KCNIP3: variants seen among roughly 807,000 people sequenced by gnomAD.
KCNIP3 encodes the protein potassium voltage-gated channel interacting protein 3, also known as calsenilin.
Under a neutral mutation model 35.0 loss-of-function variants are expected in KCNIP3, and 28 were observed. That is an observed-to-expected ratio of 0.80 (90% CI 0.59 to 1.10). The LOEUF (loss-of-function observed/expected upper bound fraction) is 1.10, where lower values mean the gene tolerates loss of function less well. Ranked by LOEUF, KCNIP3 falls within the 50% of genes least tolerant of loss-of-function variation. The pLI is 0.00. For synonymous variants in KCNIP3, 134 were observed against 133.8 expected (o/e 1.00, Z -0.01); for missense variants, 295 against 338.4 (o/e 0.87, Z 1.01).
intron 2 of KCNIP3, among the ~76,000 whole-genome samples, chr2:95,315,319 G>A (rs1436522594): frequency 3.3e-5 from 5 of 152,148 alleles, no homozygotes; most frequent in Non-Finnish European, 7.4e-5. Flanking sequence ...TTCTTTTATT[G>A]AATCTACGGT....
At chr2:95,320,455 T>C (rs1171737579) in intron 2 of KCNIP3, among the ~76,000 whole-genome samples, 1 of 152,060 alleles carries the variant, frequency 6.6e-6, no homozygotes, top group Non-Finnish European at 1.5e-5. Context: ...CCCGGGTCTC[T>C]ATGCCCTTCC....
At chr2:95,310,810 C>T in intron 2 of KCNIP3, 2 of 454,428 alleles carry the variant, frequency 4.4e-6, no homozygotes, top group Admixed American at 3.7e-5. Context: ...CTGCAGAGTC[C>T]AACAAACCAG....
At chr2:95,360,115 C>T (rs1374322929) in intron 2 of KCNIP3, among the ~76,000 whole-genome samples, 1 of 151,316 alleles carries the variant, frequency 6.6e-6, no homozygotes, top group Non-Finnish European at 1.5e-5. Context: ...ATTTCTTCTG[C>T]TGGGTATCCC....
intron 5 of KCNIP3, among the ~76,000 whole-genome samples, chr2:95,380,987 A>G (rs1680322460): frequency 6.6e-6 from 1 of 152,096 alleles, no homozygotes; most frequent in Admixed American, 6.5e-5. Flanking sequence ...ACAGTCTGAG[A>G]CTCTGTCTCT....
intron 2 of KCNIP3, among the ~76,000 whole-genome samples, chr2:95,325,902 CAT>C (rs1678753619): frequency 6.6e-6 from 1 of 151,240 alleles, no homozygotes; most frequent in Non-Finnish European, 1.5e-5. Flanking sequence ...CATAGACACA[CAT>C]TCACTCATAC....
chr2:95,374,534 T>C, intron 3 of KCNIP3, 114 bp downstream of exon 3: 1 of 1,341,078 alleles, frequency 7.5e-7, no homozygotes, highest in Admixed American at 2.5e-5. Context: ...GCTTATGTGT[T>C]GTGGGAAAGC....
At chr2:95,371,796 T>C (rs932234044) in intron 2 of KCNIP3, among the ~76,000 whole-genome samples, 2 of 151,422 alleles carry the variant, frequency 1.3e-5, no homozygotes, top group African/African-American at 4.8e-5. Flanking sequence ...TCCATTCTTT[T>C]ATTTTAAATC....
At chr2:95,344,548 A>T (rs779947641) in intron 2 of KCNIP3, among the ~76,000 whole-genome samples, 10 of 152,252 alleles carry the variant, frequency 6.6e-5, no homozygotes, top group Non-Finnish European at 1.5e-4. Flanking sequence ...CAGGGTTTAT[A>T]GGCAGTCATC....
In KCNIP3 at chr2:95,382,515, G is replaced by T. The variant is rs751220845; in HGVS notation, c.660+34G>T. The T allele has an allele frequency of 2.7e-6, 4 of 1,497,388 alleles. No individual in the cohort carries two copies. Among genetic ancestry groups the T allele is most frequent in the Non-Finnish European group, 3.6e-6 (4 of 1,098,240 alleles). The allele number at this position is 1,497,388 out of a possible 1,614,324, so 92.8% of individuals were successfully genotyped here. On this transcript the variant is annotated intron_variant, in intron 7 of 8. Transcript: ENST00000295225. The surrounding 1 kb of genome is among the most constrained non-coding windows in gnomAD (Gnocchi z 4.5). ...GCGCCAGCCCTGCCTAGGGAGGGGA[G>T]CCTGGCAGAGGAAGGGGCTCTCGCT...
At chr2:95,349,965 C>G (rs1012314955) in intron 2 of KCNIP3, among the ~76,000 whole-genome samples, 2 of 152,192 alleles carry the variant, frequency 1.3e-5, no homozygotes, top group Non-Finnish European at 1.5e-5. Flanking sequence ...GTGCCTGACA[C>G]TCCATGTTTA....
At chr2:95,357,803 A>AC (rs888128270) in intron 2 of KCNIP3, among the ~76,000 whole-genome samples, 5 of 151,976 alleles carry the variant, frequency 3.3e-5, no homozygotes, top group African/African-American at 1.2e-4. Flanking sequence ...ATCCAGTCAC[A>AC]CCCCAGCCTG....
chr2:95,297,527 C>A, intron 1 of KCNIP3, 74 bp downstream of exon 1: 1 of 1,211,750 alleles, frequency 8.3e-7, no homozygotes, highest in South Asian at 1.4e-5. Flanking sequence ...GGGGGTTGCT[C>A]TGGACCAGGA....
intron 2 of KCNIP3, chr2:95,368,542 A>G: frequency 2.8e-6 from 1 of 361,922 alleles, no homozygotes; most frequent in Admixed American, 3.2e-5. Context: ...AAAAAAATTA[A>G]GTGGGAGTCA....
At chr2:95,362,007 G>A (rs1679809824) in intron 2 of KCNIP3, among the ~76,000 whole-genome samples, 1 of 152,182 alleles carries the variant, frequency 6.6e-6, no homozygotes, top group South Asian at 2.1e-4. Flanking sequence ...GGTGAGGGCT[G>A]TCTTCCTGGT....
chr2:95,371,610 G>T (rs1680042873), intron 2 of KCNIP3, among the ~76,000 whole-genome samples: 1 of 152,078 alleles, frequency 6.6e-6, no homozygotes, highest in South Asian at 2.1e-4. Flanking sequence ...CTGGAAAGGG[G>T]TGCTAAAATC....
intron 2 of KCNIP3, among the ~76,000 whole-genome samples, chr2:95,347,600 A>G (rs565173548): frequency 1.3e-5 from 2 of 152,358 alleles, no homozygotes; most frequent in East Asian, 1.9e-4. Flanking sequence ...GTTCAAGCCC[A>G]TGGGATCAGT....
intron 1 of KCNIP3, among the ~76,000 whole-genome samples, chr2:95,303,835 C>CACTT (rs1336405987): frequency 1.3e-5 from 2 of 152,130 alleles, no homozygotes; most frequent in African/African-American, 4.8e-5. Flanking sequence ...AGACATGATG[C>CACTT]AAGCCACAGA....
intron 2 of KCNIP3, among the ~76,000 whole-genome samples, chr2:95,335,520 C>T (rs932012049): frequency 1.3e-5 from 2 of 152,066 alleles, no homozygotes; most frequent in Non-Finnish European, 2.9e-5. Context: ...TTAAGGTTTT[C>T]TCTTTACCTC....
At position 95,324,708 on chromosome 2, in the gene KCNIP3, C is replaced by T. The variant is rs535584514; in HGVS notation, c.181+14188C>T. ...TGGGCGAATCACAAGGTCAGGAGTT[C>T]GAGACCAGCCTGGCCAATATGGTGA... On this transcript the variant is annotated intron_variant, in intron 2 of 8. Coordinates refer to ENST00000295225, the MANE Select transcript of KCNIP3 (RefSeq NM_013434.5). 3.5e-3 allele frequency among the ~76,000 whole-genome samples: 525 copies of T among 151,824 alleles called. 4 individuals carry two copies. Among genetic ancestry groups the T allele is most frequent in the African/African-American group, 0.012 (501 of 41,428 alleles).
Sources: allele counts gnomAD v4.1 joint callset (sites outside exome capture counted in the v4.1 genomes callset), GRCh38; gene constraint gnomAD v4.1.1; non-coding constraint Gnocchi (gnomAD v3.1); transcripts MANE v1.5; gene names NCBI Gene and HGNC (gene_info 2026-07-23, HGNC 2026-07-21).